SHROOM3: variants seen among roughly 807,000 people sequenced by gnomAD.
The protein encoded by SHROOM3 is shroom family member 3, also known as protein Shroom3.
In SHROOM3, 47 loss-of-function variants were observed where a neutral mutation model predicts 138.6. The observed-to-expected ratio is 0.34, with a 90% CI of 0.27 to 0.43. The LOEUF is 0.43. Among genes scored for constraint, SHROOM3 ranks in the 20% least tolerant of loss-of-function variants. The pLI is 1.00. For synonymous variants in SHROOM3, 1,062 were observed against 1,063.3 expected (o/e 1.00, Z 0.02); for missense variants, 2,491 against 2,596.5 (o/e 0.96, Z 0.88).
intron 6 of SHROOM3, among the ~76,000 whole-genome samples, chr4:76,751,219 G>T (rs952807940): frequency 6.6e-6 from 1 of 152,026 alleles, no homozygotes; most frequent in African/African-American, 2.4e-5. Flanking sequence ...ATCATAGTAC[G>T]AAGACAAGAG....
At chr4:76,534,940 C>T (rs9999005) in intron 1 of SHROOM3, among the ~76,000 whole-genome samples, 103,642 of 151,892 alleles carry the variant, frequency 0.68, 35,732 homozygotes, top group East Asian at 0.94. Flanking sequence ...TCCATTTTTG[C>T]ATGATAATTA....
intron 2 of SHROOM3, among the ~76,000 whole-genome samples, chr4:76,582,493 AG>A (rs1227533363): frequency 6.6e-6 from 1 of 152,238 alleles, no homozygotes; most frequent in Non-Finnish European, 1.5e-5. Flanking sequence ...CAAATCATTA[AG>A]GAAAAAGACC....
intron 1 of SHROOM3, among the ~76,000 whole-genome samples, chr4:76,538,718 CA>C (rs1157647086): frequency 2.6e-5 from 4 of 151,886 alleles, no homozygotes; most frequent in African/African-American, 9.7e-5. Context: ...TTCATTCATG[CA>C]ACATGTATTT....
At chr4:76,542,572 G>C in intron 1 of SHROOM3, among the ~76,000 whole-genome samples, 1 of 152,206 alleles carries the variant, frequency 6.6e-6, no homozygotes, top group Non-Finnish European at 1.5e-5. Context: ...GATGGCCATT[G>C]CTGGCTTTGA....
At chr4:76,462,192 C>A (rs999394721) in intron 1 of SHROOM3, among the ~76,000 whole-genome samples, 1 of 152,028 alleles carries the variant, frequency 6.6e-6, no homozygotes, top group African/African-American at 2.4e-5. Context: ...AGTTCAAGAC[C>A]AGCCTGGCCA....
rs1317794089 is a variant in SHROOM3, at chr4:76,740,195, ACACAG to A, written c.2025_2029del (p.His675GlnfsTer35). On this transcript the variant is annotated frameshift_variant, in exon 5 of 11. Transcript: ENST00000296043. LOFTEE classifies it high-confidence loss of function. The surrounding 1 kb of genome is among the most constrained non-coding windows in gnomAD (Gnocchi z 4.0). ...AGAACATTCCTGAGAGTCTGAGAAG[ACACAG>A]CAGCCTGGAGCTAGGCCGGGGAACC... 4 of 1,613,780 alleles carry A rather than the reference ACACAG, an allele frequency of 2.5e-6. No individual in the cohort carries two copies.
At chr4:76,552,704 A>G (rs1279337259) in intron 1 of SHROOM3, among the ~76,000 whole-genome samples, 1 of 151,648 alleles carries the variant, frequency 6.6e-6, no homozygotes, top group Non-Finnish European at 1.5e-5. Context: ...TATGTAATAT[A>G]TGTATATATA....
intron 2 of SHROOM3, among the ~76,000 whole-genome samples, chr4:76,695,296 G>A (rs1044961506): frequency 1.3e-5 from 2 of 152,212 alleles, no homozygotes; most frequent in African/African-American, 4.8e-5. Context: ...TAGGAAGTCA[G>A]TCGACTTATT....
At chr4:76,671,353 C>G (rs182000744) in intron 2 of SHROOM3, among the ~76,000 whole-genome samples, 1 of 152,224 alleles carries the variant, frequency 6.6e-6, no homozygotes, top group South Asian at 2.1e-4. Flanking sequence ...TTAAAAACTT[C>G]CAATGGCTTC....
chr4:76,613,906 G>A (rs1420076180), intron 2 of SHROOM3, among the ~76,000 whole-genome samples: 4 of 152,204 alleles, frequency 2.6e-5, no homozygotes, highest in Non-Finnish European at 4.4e-5. Context: ...TTTACAGATT[G>A]TAAAACAGAT....
chr4:76,715,436 A>G (rs996925651), intron 3 of SHROOM3, among the ~76,000 whole-genome samples: 1 of 152,104 alleles, frequency 6.6e-6, no homozygotes, highest in Non-Finnish European at 1.5e-5. Context: ...AATTCTTATG[A>G]TCTAACTTAT....
At chr4:76,610,407 G>A (rs1408033501) in intron 2 of SHROOM3, among the ~76,000 whole-genome samples, 1 of 152,220 alleles carries the variant, frequency 6.6e-6, no homozygotes, top group Non-Finnish European at 1.5e-5. Context: ...ACCTTTAGCA[G>A]ACTGAGAGTT....
intron 9 of SHROOM3, among the ~76,000 whole-genome samples, chr4:76,764,835 T>C (rs1722095715): frequency 1.3e-5 from 2 of 152,212 alleles, no homozygotes; most frequent in South Asian, 4.1e-4. Context: ...TTGATCGTAT[T>C]TGGGGTTTGC....
In SHROOM3 at chr4:76,742,014, C is replaced by T. The variant is rs763352641; in HGVS notation, c.3753+88C>T. The stretch of plus-strand genomic sequence containing the variant: ...GCTCCCCAACCCCCCACACTCTCAC[C>T]CGCTCTCCCAGTTCAGTTTTCCTTG... On this transcript the variant is annotated intron_variant, in intron 5 of 10. Coordinates refer to ENST00000296043, the MANE Select transcript of SHROOM3 (RefSeq NM_020859.4). 6.7e-6 allele frequency: 10 copies of T among 1,498,866 alleles called. No homozygotes were observed. The South Asian group carries it at 1.1e-4, about 16-fold the overall frequency. 92.8% of individuals were successfully genotyped at this position (1,498,866 alleles called of 1,614,324 possible).
chr4:76,704,897 T>A (rs1273828709), intron 2 of SHROOM3, among the ~76,000 whole-genome samples: 1 of 152,156 alleles, frequency 6.6e-6, no homozygotes, highest in Non-Finnish European at 1.5e-5. Flanking sequence ...AGCACTTCCC[T>A]AAGGTTGTAA....
chr4:76,536,326 C>G (rs1220666791), intron 1 of SHROOM3, among the ~76,000 whole-genome samples: 1 of 152,162 alleles, frequency 6.6e-6, no homozygotes, highest in East Asian at 1.9e-4. Flanking sequence ...TCTCTGGAAT[C>G]TAACCCTCAG....
At chr4:76,580,814 TGAGA>T (rs1337504251) in intron 2 of SHROOM3, among the ~76,000 whole-genome samples, 1 of 152,218 alleles carries the variant, frequency 6.6e-6, no homozygotes, top group Non-Finnish European at 1.5e-5. Context: ...GTGGAGTGGT[TGAGA>T]GAGTTAAAAC....
At chr4:76,773,224 A>C (rs1432060884) in intron 10 of SHROOM3, among the ~76,000 whole-genome samples, 1 of 151,956 alleles carries the variant, frequency 6.6e-6, no homozygotes, top group African/African-American at 2.4e-5. Flanking sequence ...AAAATACAAA[A>C]ATTAACCAGG....
At chr4:76,668,499 G>T (rs1365895850) in intron 2 of SHROOM3, among the ~76,000 whole-genome samples, 2 of 152,150 alleles carry the variant, frequency 1.3e-5, no homozygotes, top group Non-Finnish European at 2.9e-5. Flanking sequence ...CTTGAACCAA[G>T]GAGGCAGAGG....
Sources: gnomAD v4.1 joint callset for allele counts (sites outside exome capture counted in the v4.1 genomes callset) on GRCh38, gnomAD v4.1.1 for gene constraint, Gnocchi (gnomAD v3.1) non-coding constraint, MANE v1.5 for transcripts, NCBI Gene and HGNC (gene_info 2026-07-23, HGNC 2026-07-21) for gene names.